The following USP25 variants were observed in gnomAD, a reference collection of about 807,000 sequenced individuals.
The protein encoded by USP25 is ubiquitin specific peptidase 25.
USP25 carries 85 observed loss-of-function variants against 158.5 expected under a neutral mutation model. The observed-to-expected ratio is 0.54, with a 90% CI of 0.45 to 0.64. The LOEUF (loss-of-function observed/expected upper bound fraction) is 0.64, where lower values mean the gene tolerates loss of function less well. Ranked by LOEUF, USP25 falls within the 30% of genes least tolerant of loss-of-function variation. The probability of loss-of-function intolerance (pLI) is 0.00; values close to 1 mark genes in which losing one functional copy is unlikely to be tolerated. For synonymous variants in USP25, 464 were observed against 460.4 expected (o/e 1.01, Z -0.10); for missense variants, 1,242 against 1,327.3 (o/e 0.94, Z 1.00).
At chr21:15,758,829 A>G (rs2123374648) in intron 1 of USP25, among the ~76,000 whole-genome samples, 1 of 151,844 alleles carries the variant, frequency 6.6e-6, no homozygotes, top group African/African-American at 2.4e-5. Flanking sequence ...CCCTTAACTC[A>G]CTATCACAAG....
At chr21:15,842,640 C>A in intron 18 of USP25, 100 bp downstream of exon 18, 1 of 1,427,058 alleles carries the variant, frequency 7.0e-7, no homozygotes, top group Non-Finnish European at 9.5e-7. Flanking sequence ...AGAGACGGGG[C>A]CCAGTGATGG....
chr21:15,757,859 G>A (rs1171504480), intron 1 of USP25, among the ~76,000 whole-genome samples: 1 of 152,206 alleles, frequency 6.6e-6, no homozygotes, highest in East Asian at 1.9e-4. Context: ...AGAATTGGGA[G>A]GCTAGCATAG....
chr21:15,853,479 T>A (rs1157429528), intron 20 of USP25, among the ~76,000 whole-genome samples: 1 of 152,174 alleles, frequency 6.6e-6, no homozygotes, highest in Non-Finnish European at 1.5e-5. Flanking sequence ...TTTGAATTAG[T>A]TTAGAGTACT....
intron 1 of USP25, among the ~76,000 whole-genome samples, chr21:15,757,416 T>G (rs1192340261): frequency 6.6e-6 from 1 of 152,180 alleles, no homozygotes; most frequent in Non-Finnish European, 1.5e-5. Context: ...ATACACCTGA[T>G]TTTTTTCTAG....
intron 17 of USP25, among the ~76,000 whole-genome samples, chr21:15,837,759 T>C (rs1398570725): frequency 6.6e-6 from 1 of 152,070 alleles, no homozygotes; most frequent in African/African-American, 2.4e-5. Context: ...TGCGTAAGGT[T>C]TTATAAATTT....
intron 17 of USP25, among the ~76,000 whole-genome samples, chr21:15,840,889 T>G (rs915516130): frequency 3.9e-5 from 6 of 152,162 alleles, no homozygotes; most frequent in African/African-American, 7.2e-5. Flanking sequence ...AAGGAAAAGT[T>G]TTATCAACAA....
intron 3 of USP25, 46 bp from the exon 4 acceptor site, chr21:15,777,858 A>C (rs1359228442): frequency 6.5e-7 from 1 of 1,532,982 alleles, no homozygotes; most frequent in Non-Finnish European, 8.8e-7. Context: ...AAATCCTTTC[A>C]TTTTGTTTTA....
intron 3 of USP25, among the ~76,000 whole-genome samples, chr21:15,769,373 A>G (rs1189478710): frequency 6.6e-6 from 1 of 152,110 alleles, no homozygotes; most frequent in African/African-American, 2.4e-5. Flanking sequence ...ACTTGATTAC[A>G]TTCCATACTG....
chr21:15,826,067 A>G lies in USP25; in HGVS notation c.1305-137A>G, dbSNP rs891665785. 2 of 1,001,756 alleles carry G rather than the reference A, an allele frequency of 2.0e-6. No individual in the cohort carries two copies. The highest frequency in any genetic ancestry group is 1.8e-5 in the South Asian group (1 of 56,096). The allele number at this position is 1,001,756 out of a possible 1,614,324, so 62.1% of individuals were successfully genotyped here. ...TCTTAAGTGTATATTCAGTTTTACC[A>G]TCTTCGTTTTAAAGCAAATGAATTT... On this transcript the variant is annotated intron_variant, in intron 12 of 25. Coordinates refer to ENST00000400183, the MANE Select transcript of USP25 (RefSeq NM_001283041.3). This position sits in a 1 kb window ranked among gnomAD's most constrained non-coding sequence, Gnocchi z 4.8.
chr21:15,859,000 A>G (rs575093714), intron 20 of USP25, among the ~76,000 whole-genome samples: 3 of 151,470 alleles, frequency 2.0e-5, no homozygotes, highest in South Asian at 2.1e-4. Flanking sequence ...TTGTTATCTC[A>G]TATATTTTTT....
chr21:15,818,231 T>C (rs1250649042), intron 9 of USP25, among the ~76,000 whole-genome samples: 1 of 152,184 alleles, frequency 6.6e-6, no homozygotes, highest in African/African-American at 2.4e-5. Flanking sequence ...TTTTTATACC[T>C]CTCACATAAT....
intron 1 of USP25, among the ~76,000 whole-genome samples, chr21:15,747,403 A>C (rs990533043): frequency 6.6e-6 from 1 of 151,780 alleles, no homozygotes; most frequent in African/African-American, 2.4e-5. Flanking sequence ...AATATAGTAT[A>C]TATAGTTTTT....
rs1292437086 is a variant in USP25, at chr21:15,730,453, C to T, written c.45+15C>T. On this transcript the variant is annotated intron_variant, in intron 1 of 25. Transcript: ENST00000400183. ...CGGCGCAGAAGGTGAGGCGAGTCCG[C>T]CAGCCGGCGGGCCCCACTTCTCCTT... 2 of 1,354,416 alleles carry T rather than the reference C, an allele frequency of 1.5e-6. No homozygotes were observed. Among genetic ancestry groups the T allele is most frequent in the Admixed American group, 3.2e-5 (1 of 31,294 alleles). The allele number at this position is 1,354,416 out of a possible 1,614,324, so 83.9% of individuals were successfully genotyped here.
chr21:15,792,678 A>G (rs1260829540), intron 5 of USP25, among the ~76,000 whole-genome samples: 1 of 151,612 alleles, frequency 6.6e-6, no homozygotes, highest in Admixed American at 6.6e-5. Flanking sequence ...CTAACTTGTA[A>G]TTTTAACTTT....
intron 9 of USP25, among the ~76,000 whole-genome samples, chr21:15,817,020 T>C (rs998361389): frequency 3.3e-5 from 5 of 151,852 alleles, no homozygotes; most frequent in African/African-American, 1.2e-4. Flanking sequence ...TAATCCCAGC[T>C]ACTAGAGACG....
chr21:15,819,147 G>A (rs1362598452), intron 10 of USP25, among the ~76,000 whole-genome samples: 3 of 152,032 alleles, frequency 2.0e-5, no homozygotes, highest in East Asian at 1.9e-4. Context: ...CTAGTTCCTC[G>A]ATATAAAGAA....
intron 20 of USP25, among the ~76,000 whole-genome samples, chr21:15,860,615 A>G (rs2039383438): frequency 6.6e-6 from 1 of 152,144 alleles, no homozygotes; most frequent in Non-Finnish European, 1.5e-5. Flanking sequence ...TCCTATTTGT[A>G]TTACAGTGTG....
chr21:15,772,979 G>T (rs1306766910), intron 3 of USP25, among the ~76,000 whole-genome samples: 1 of 135,930 alleles, frequency 7.4e-6, no homozygotes, highest in Non-Finnish European at 1.6e-5. Context: ...TTAATAGGAA[G>T]ATCATGGAAG....
intron 24 of USP25, chr21:15,876,301 A>G (rs1230387809): frequency 6.6e-6 from 1 of 152,132 alleles, no homozygotes; most frequent in East Asian, 1.9e-4. Flanking sequence ...CTTAACCCCT[A>G]TGGTTGGAAG....
Sources: allele counts gnomAD v4.1 joint callset (sites outside exome capture counted in the v4.1 genomes callset), GRCh38; gene constraint gnomAD v4.1.1; non-coding constraint Gnocchi (gnomAD v3.1); transcripts MANE v1.5; gene names NCBI Gene and HGNC (gene_info 2026-07-23, HGNC 2026-07-21).